Variants in ABCC1 observed in about 807,000 individuals in gnomAD.
ABCC1 encodes the protein multidrug resistance-associated protein 1.
A neutral mutation model predicts 172.9 loss-of-function variants in ABCC1; 83 were observed. That is an observed-to-expected ratio of 0.48 (90% CI 0.40 to 0.58). The LOEUF (loss-of-function observed/expected upper bound fraction) is 0.58, where lower values mean the gene tolerates loss of function less well. ABCC1 is among the 20% of genes least tolerant of loss of function. ABCC1 has a pLI of 0.00. For missense variants in ABCC1, 1,817 were observed against 2,002.7 expected, an observed-to-expected ratio of 0.91 and a Z score of 1.77; for synonymous variants, 937 against 825.2, an observed-to-expected ratio of 1.14 and a Z score of -2.32.
At chr16:16,066,949 C>T (rs1447139028) in intron 12 of ABCC1, among the ~76,000 whole-genome samples, 4 of 151,694 alleles carry the variant, frequency 2.6e-5, no homozygotes, top group Non-Finnish European at 4.4e-5. Context: ...GTTGCGTTAC[C>T]GCTTAGAAGA....
At chr16:15,995,026 G>A (rs890525158) in intron 1 of ABCC1, among the ~76,000 whole-genome samples, 3 of 151,610 alleles carry the variant, frequency 2.0e-5, no homozygotes, top group Non-Finnish European at 4.4e-5. Context: ...AGGTACTTGC[G>A]AGGCTGAGGC....
intron 17 of ABCC1, 133 bp downstream of exon 17, chr16:16,083,675 G>A (rs554663076): frequency 8.6e-6 from 10 of 1,163,642 alleles, no homozygotes; most frequent in African/African-American, 3.1e-5. Flanking sequence ...CGGCTCTGCT[G>A]CACGCTGCAG....
chr16:15,986,509 G>A (rs1028863425), intron 1 of ABCC1, among the ~76,000 whole-genome samples: 3 of 152,186 alleles, frequency 2.0e-5, no homozygotes, highest in Non-Finnish European at 4.4e-5. Context: ...CGTGAACCGT[G>A]CATGCGAGGG....
chr16:16,084,053 A>G (rs1233899264), intron 17 of ABCC1, among the ~76,000 whole-genome samples: 1 of 152,074 alleles, frequency 6.6e-6, no homozygotes, highest in African/African-American at 2.4e-5. Context: ...AAATAGCACA[A>G]TAGCTAACAC....
At position 16,141,582 on chromosome 16, in the gene ABCC1, G is replaced by A. The variant is rs369160313; in HGVS notation, c.*301G>A. 36 of 372,190 alleles carry A rather than the reference G, an allele frequency of 9.7e-5. No homozygotes were observed. Among genetic ancestry groups the A allele is most frequent in the East Asian group, 7.7e-4 (16 of 20,740 alleles). 23.1% of individuals were successfully genotyped at this position (372,190 alleles called of 1,614,324 possible). ...CCAGGAATGCAAGTGGTTTCCTGGT[G>A]CTTCCCACGGAGGAGTTTTGGCAGC... On this transcript the variant is annotated 3_prime_UTR_variant, in exon 31 of 31. Coordinates refer to ENST00000399410, the MANE Select transcript of ABCC1 (RefSeq NM_004996.4).
rs776825129 is a variant in ABCC1, at chr16:16,068,296, C to T, written c.1818C>T (p.Ile606=). 23 of 1,614,062 alleles carry T rather than the reference C, an allele frequency of 1.4e-5. No homozygotes were observed. The highest frequency in any genetic ancestry group is 2.2e-5 in the South Asian group (2 of 91,078). The change falls in exon 13 of 31, where the codon ATC becomes ATT. Residue 606 remains isoleucine (I), a synonymous_variant. Transcript: ENST00000399410. ...TTCTCCCCATGGTCATCAGCAGCAT[C>T]GTGCAGGTACAGGGGGAAGCTGGGG... is the stretch of plus-strand genomic sequence containing the variant. The part of the protein sequence containing the change: ...LNILPMVISS[I]VQASVSLKRL...
intron 20 of ABCC1, among the ~76,000 whole-genome samples, chr16:16,104,496 T>G (rs986694540): frequency 6.6e-6 from 1 of 152,158 alleles, no homozygotes; most frequent in African/African-American, 2.4e-5. Flanking sequence ...ATTGGTGTGT[T>G]TACAAACCTT....
intron 1 of ABCC1, among the ~76,000 whole-genome samples, chr16:15,989,215 A>G (rs1281584161): frequency 6.6e-6 from 1 of 152,044 alleles, no homozygotes; most frequent in East Asian, 1.9e-4. Context: ...AAGTCTGGAA[A>G]TTGCCCCTGT....
chr16:16,048,695 T>C (rs1468937500), intron 10 of ABCC1, among the ~76,000 whole-genome samples: 1 of 152,162 alleles, frequency 6.6e-6, no homozygotes, highest in Non-Finnish European at 1.5e-5. Context: ...TGTCTTAAAG[T>C]AGCCTAAGTG....
At chr16:16,121,900 T>TC in intron 23 of ABCC1, 75 bp from the exon 24 acceptor site, 1 of 1,533,076 alleles carries the variant, frequency 6.5e-7, no homozygotes, top group East Asian at 2.3e-5. Context: ...CTAGATGTTC[T>TC]CCAGCACAGC....
intron 27 of ABCC1, among the ~76,000 whole-genome samples, chr16:16,132,240 A>G (rs1459526956): frequency 6.6e-6 from 1 of 152,078 alleles, no homozygotes; most frequent in Admixed American, 6.6e-5. Flanking sequence ...CCCAGGCTAG[A>G]GTGCAGTGGT....
chr16:15,967,518 G>C (rs554450072), intron 1 of ABCC1, among the ~76,000 whole-genome samples: 6 of 151,706 alleles, frequency 4.0e-5, no homozygotes, highest in Non-Finnish European at 8.8e-5. Flanking sequence ...TGAAGTGGGA[G>C]GATCACTTGA....
intron 28 of ABCC1, among the ~76,000 whole-genome samples, chr16:16,135,540 G>A (rs1171982510): frequency 6.6e-6 from 1 of 152,036 alleles, no homozygotes; most frequent in Non-Finnish European, 1.5e-5. Context: ...ACTGCAACCT[G>A]CACCTCCTGG....
At chr16:16,125,436 TA>T (rs2045386188) in intron 25 of ABCC1, among the ~76,000 whole-genome samples, 2 of 152,218 alleles carry the variant, frequency 1.3e-5, no homozygotes, top group South Asian at 4.1e-4. Context: ...TTTATTTATT[TA>T]TTTTTTTTGG....
At chr16:15,991,795 A>G (rs763500957) in intron 1 of ABCC1, among the ~76,000 whole-genome samples, 1 of 152,072 alleles carries the variant, frequency 6.6e-6, no homozygotes, top group Non-Finnish European at 1.5e-5. Context: ...GCCTTGAACC[A>G]TGCTTCTCTG....
Position 16,090,569 on chromosome 16 carries a change from G to A in ABCC1, c.2625G>A (p.Glu875=), listed in dbSNP as rs2051210421. 6 of 1,607,548 alleles carry A rather than the reference G, an allele frequency of 3.7e-6. No individual in the cohort carries two copies. Among genetic ancestry groups the A allele is most frequent in the Non-Finnish European group, 5.1e-6 (6 of 1,175,634 alleles). The change falls in exon 19 of 31, where the codon GAG becomes GAA. Residue 875 remains glutamate (E), a synonymous_variant. Transcript: ENST00000399410. ...GTACCTATGCCAGCACAGAGCAGGA[G>A]CAGGATGCAGAGGAGAACGGTAGGG... The part of the protein sequence containing the change: ...FLRTYASTEQ[E]QDAEENGVTG...
intron 9 of ABCC1, among the ~76,000 whole-genome samples, chr16:16,046,765 A>AT (rs59987503): frequency 0.21 from 30,280 of 144,966 alleles, 5,447 homozygotes; most frequent in African/African-American, 0.48. Context: ...ATCCCTATAA[A>AT]TTTTTTTTTT....
At chr16:16,058,601 C>A (rs2049770674) in intron 12 of ABCC1, among the ~76,000 whole-genome samples, 1 of 152,170 alleles carries the variant, frequency 6.6e-6, no homozygotes, top group Non-Finnish European at 1.5e-5. Context: ...AGATGGTGTT[C>A]AAATTCAAGC....
rs193289613 is a variant in ABCC1 at position 16,092,169 on chromosome 16, C to T, written c.2644+1581C>T. ...AGGAGAATAGTTTGAACCTTGGAGG[C>T]GGAGGTTGCAGTGAACCGAGATCGT... On this transcript the variant is annotated intron_variant, in intron 19 of 30. Transcript: ENST00000399410. 3.6e-3 allele frequency among the ~76,000 whole-genome samples: 555 copies of T among 152,218 alleles called. 4 individuals are homozygous for T. The highest frequency in any genetic ancestry group is 0.012 in the African/African-American group (512 of 41,536).
Sources: allele counts gnomAD v4.1 joint callset (sites outside exome capture counted in the v4.1 genomes callset), GRCh38; gene constraint gnomAD v4.1.1; transcripts MANE v1.5; gene names NCBI Gene and HGNC (gene_info 2026-07-23, HGNC 2026-07-21).